Variants in C1orf146 observed in about 807,000 individuals in gnomAD.
The protein encoded by C1orf146 is protein SPO16 homolog.
A neutral mutation model predicts 23.0 loss-of-function variants in C1orf146; 22 were observed. The observed-to-expected ratio is 0.96, with a 90% confidence interval of 0.68 to 1.36. The LOEUF (loss-of-function observed/expected upper bound fraction) is 1.36. Ranked by LOEUF, C1orf146 falls within the 40% of genes most tolerant of loss-of-function variation. C1orf146 has a pLI of 0.00. For missense variants in C1orf146, 199 were observed against 206.8 expected (o/e 0.96, Z 0.23); for synonymous variants, 59 against 65.3 (o/e 0.90, Z 0.47).
chr1:92,235,615 G>A (rs1652255066), intron 2 of C1orf146, among the ~76,000 whole-genome samples: 1 of 152,180 alleles, frequency 6.6e-6, no homozygotes, highest in South Asian at 2.1e-4. Flanking sequence ...TTCTGTAGAT[G>A]TCTGTTATGT....
intron 1 of C1orf146, among the ~76,000 whole-genome samples, chr1:92,226,150 T>C (rs1651961103): frequency 6.6e-6 from 1 of 152,232 alleles, no homozygotes; most frequent in Non-Finnish European, 1.5e-5. Flanking sequence ...TCTAAATGTC[T>C]CATGTCTCTT....
In C1orf146 at chr1:92,234,036, C is replaced by T. The variant is rs549379912; in HGVS notation, c.66+2550C>T. Among the ~76,000 whole-genome samples the T allele has an allele frequency of 2.6e-3, 399 of 152,192 alleles. 3 individuals carry two copies. Among genetic ancestry groups the T allele is most frequent in the South Asian group, 9.3e-3 (45 of 4,826 alleles). ...CTGAGACGATGGGGTTTTCTAGATA[C>T]ACAATCATGTCATCTGCAAACAGGG... On this transcript the variant is annotated intron_variant, in intron 2 of 5. Coordinates refer to ENST00000370375, the MANE Select transcript of C1orf146 (RefSeq NM_001012425.2).
intron 2 of C1orf146, among the ~76,000 whole-genome samples, chr1:92,241,187 C>CTTATTA (rs146597980): frequency 0.023 from 3,298 of 142,630 alleles, 79 homozygotes; most frequent in African/African-American, 0.058. Context: ...CTCCAAGTTG[C>CTTATTA]TTATTATTAT....
chr1:92,237,022 CAA>C (rs1652295347), intron 2 of C1orf146, among the ~76,000 whole-genome samples: 1 of 152,102 alleles, frequency 6.6e-6, no homozygotes, highest in Non-Finnish European at 1.5e-5. Context: ...AAATTTTTTT[CAA>C]AGTTTTTAAC....
At chr1:92,244,608 T>TAA (rs1652526540) in intron 4 of C1orf146, among the ~76,000 whole-genome samples, 171 bp from the exon 5 acceptor site, 1 of 152,206 alleles carries the variant, frequency 6.6e-6, no homozygotes, top group East Asian at 1.9e-4. Flanking sequence ...AACACTTTTT[T>TAA]AGTCAGTGAT....
intron 1 of C1orf146, among the ~76,000 whole-genome samples, chr1:92,220,835 T>G (rs1426042237): frequency 1.3e-5 from 2 of 152,236 alleles, no homozygotes; most frequent in Admixed American, 6.5e-5. Context: ...AATGCTGTTA[T>G]GAGCATTCTT....
Position 92,220,005 on chromosome 1 carries a change from C to A in C1orf146, c.-40+1957C>A, listed in dbSNP as rs1275103552. Among the ~76,000 whole-genome samples, 3 of 152,242 alleles carry A rather than the reference C, an allele frequency of 2.0e-5. No homozygotes were observed. In the East Asian group the frequency reaches 5.8e-4, roughly 29 times the overall value. On this transcript the variant is annotated intron_variant, in intron 1 of 5. Coordinates refer to ENST00000370375, the MANE Select transcript of C1orf146 (RefSeq NM_001012425.2). ...TTTGCTCAAATTGTTCCAGCTTTAG[C>A]CATTGGGAGCTCTTTCAGTTGGTTC...
At position 92,244,295 on chromosome 1, in the gene C1orf146, T is replaced by G. The variant is rs746586562; in HGVS notation, c.239T>G (p.Phe80Cys). 6 of 1,610,980 alleles carry G rather than the reference T, an allele frequency of 3.7e-6. No homozygotes were observed. The South Asian group carries it at 4.4e-5, about 12-fold the overall frequency. Residue 80 changes from phenylalanine (F) to cysteine (C), a missense_variant, in exon 4 of 6, where the codon TTT becomes TGT. By Grantham distance (205) the Phe-to-Cys change is radical. Transcript: ENST00000370375. ...ATATTTCTAGCCAAAATTGAGAAAT[T>G]TATTAACATTCACCAAAATAGTTTT... ...EEIFLAKIEKFINIHQNSFLV... is the reference protein window; with the variant it reads ...EEIFLAKIEKCINIHQNSFLV...
intron 2 of C1orf146, chr1:92,240,817 C>A (rs1652416342): frequency 7.3e-6 from 3 of 411,418 alleles, no homozygotes; most frequent in South Asian, 3.8e-5. Context: ...AGCCATTGTG[C>A]CTGGCCAAGT....
chr1:92,241,363 A>G (rs578186937), intron 2 of C1orf146, among the ~76,000 whole-genome samples: 1 of 152,144 alleles, frequency 6.6e-6, no homozygotes, highest in Non-Finnish European at 1.5e-5. Flanking sequence ...GGCATGTGCC[A>G]CCATGCCCAG....
intron 2 of C1orf146, among the ~76,000 whole-genome samples, chr1:92,240,210 G>A (rs963065199): frequency 2.6e-5 from 4 of 152,200 alleles, no homozygotes; most frequent in Admixed American, 2.0e-4. Flanking sequence ...TTCGTCAAAA[G>A]ATCTGTTCAG....
intron 1 of C1orf146, among the ~76,000 whole-genome samples, chr1:92,224,012 TTTTATTTATTTATTTATTTATTTATTTA>T (rs146799961): frequency 7.5e-6 from 1 of 133,350 alleles, no homozygotes; most frequent in Non-Finnish European, 1.6e-5. Context: ...TGTTGTTTTA[TTTTATTTATTTATTTATTTATTTATTTA>T]TTTATTTATT....
intron 1 of C1orf146, among the ~76,000 whole-genome samples, chr1:92,226,218 C>T (rs6604084): frequency 0.52 from 79,297 of 151,842 alleles, 21,699 homozygotes; most frequent in Non-Finnish European, 0.56. Flanking sequence ...TTTTGTAGTA[C>T]ACCACTTTGA....
intron 2 of C1orf146, 49 bp from the exon 3 acceptor site, chr1:92,242,163 C>T: frequency 9.7e-7 from 1 of 1,033,116 alleles, no homozygotes; most frequent in South Asian, 1.6e-5. Flanking sequence ...AGCTTTAATA[C>T]AATTGTAAGC....
At chr1:92,227,689 T>C (rs1485416790) in intron 1 of C1orf146, among the ~76,000 whole-genome samples, 1 of 152,230 alleles carries the variant, frequency 6.6e-6, no homozygotes, top group African/African-American at 2.4e-5. Flanking sequence ...AGCTATGATA[T>C]CCTATGTTGA....
intron 2 of C1orf146, among the ~76,000 whole-genome samples, chr1:92,238,951 G>T (rs894363557): frequency 1.3e-5 from 2 of 151,802 alleles, no homozygotes; most frequent in Non-Finnish European, 2.9e-5. Flanking sequence ...TTTAATTAGG[G>T]TCTCACTATG....
chr1:92,245,464 C>A, intron 5 of C1orf146, 76 bp from the exon 6 acceptor site: 2 of 1,124,892 alleles, frequency 1.8e-6, no homozygotes, highest in African/African-American at 1.6e-5. Flanking sequence ...GAATGAAAGT[C>A]AGGTATTTTT....
intron 2 of C1orf146, among the ~76,000 whole-genome samples, chr1:92,237,517 C>CT (rs1652324928): frequency 1.3e-5 from 2 of 152,308 alleles, no homozygotes; most frequent in Admixed American, 6.5e-5. Context: ...TCTGCCCCTA[C>CT]TGGGGGGTGC....
At chr1:92,222,591 C>CT (rs1173817517) in intron 1 of C1orf146, among the ~76,000 whole-genome samples, 1,536 of 12,428 alleles carry the variant, frequency 0.12, 28 homozygotes, top group African/African-American at 0.27. Context: ...TTTCTTTTTT[C>CT]TTTTTTTTTT....
Sources: gnomAD v4.1 joint callset for allele counts (sites outside exome capture counted in the v4.1 genomes callset) on GRCh38, gnomAD v4.1.1 for gene constraint, MANE v1.5 for transcripts, NCBI Gene and HGNC (gene_info 2026-07-23, HGNC 2026-07-21) for gene names.